The following SPARCL1 variants were observed in gnomAD, a reference collection of about 807,000 sequenced individuals.
SPARCL1 encodes the protein SPARC-like protein 1.
A neutral mutation model predicts 67.1 loss-of-function variants in SPARCL1; 52 were observed. That is an observed-to-expected ratio of 0.78 (90% CI 0.62 to 0.98). SPARCL1 has a LOEUF of 0.98. Among genes scored for constraint, SPARCL1 ranks in the 50% least tolerant of loss-of-function variants. The pLI, the probability that SPARCL1 is intolerant of heterozygous loss-of-function variation, is 0.00. For missense variants in SPARCL1, 717 were observed against 782.4 expected, an observed-to-expected ratio of 0.92 and a Z score of 1.00; for synonymous variants, 226 against 267.8, an observed-to-expected ratio of 0.84 and a Z score of 1.52.
chr4:87,490,109 G>A (rs1724251949), intron 7 of SPARCL1, among the ~76,000 whole-genome samples, 164 bp downstream of exon 7: 1 of 152,166 alleles, frequency 6.6e-6, no homozygotes, highest in African/African-American at 2.4e-5. Flanking sequence ...ATCTCCTACG[G>A]TTAAGGCCTG....
Position 87,495,146 on chromosome 4 carries a change from G to T in SPARCL1, c.55-19C>A, listed in dbSNP as rs1328420564. 1.9e-6 allele frequency: 3 copies of T among 1,594,786 alleles called. No homozygotes were observed. Among genetic ancestry groups the T allele is most frequent in the African/African-American group, 1.4e-5 (1 of 73,518 alleles). ...CATTTGTCTGAAAAAATTAAAAACT[G>T]GTTTTTGTTATTCATGTCTGGATGC... On this transcript the variant is annotated intron_variant, in intron 2 of 10. Transcript: ENST00000282470.
At chr4:87,519,631 T>A (rs1725723981) in intron 1 of SPARCL1, among the ~76,000 whole-genome samples, 1 of 152,088 alleles carries the variant, frequency 6.6e-6, no homozygotes, top group South Asian at 2.1e-4. Flanking sequence ...AATTTGCAAA[T>A]TTTTTTCCCT....
At chr4:87,492,697 A>G (rs1724399433) in intron 4 of SPARCL1, among the ~76,000 whole-genome samples, 1 of 152,198 alleles carries the variant, frequency 6.6e-6, no homozygotes, top group Admixed American at 6.5e-5. Context: ...GGTATAAGAA[A>G]ACTCCTACGT....
intron 1 of SPARCL1, among the ~76,000 whole-genome samples, chr4:87,508,782 ATG>A (rs71667857): frequency 0.016 from 2,308 of 139,990 alleles, 31 homozygotes; most frequent in African/African-American, 0.033. Context: ...GATGAAACAT[ATG>A]TGTGTGTGTG....
chr4:87,496,085 C>T (rs898251101), intron 2 of SPARCL1, among the ~76,000 whole-genome samples: 5 of 152,110 alleles, frequency 3.3e-5, no homozygotes, highest in Non-Finnish European at 2.9e-5. Context: ...GGCAGTGATG[C>T]ATGATGGGGA....
In SPARCL1 at chr4:87,512,588, G is replaced by A. The variant is rs183845365; in HGVS notation, c.-11-13003C>T. On this transcript the variant is annotated intron_variant, in intron 1 of 10. Transcript: ENST00000282470. The stretch of plus-strand genomic sequence containing the variant: ...GAGACCATGTGGCTGGAACCTTGCA[G>A]GATAACAGACCCTCCTGGATGATTC... Among the ~76,000 whole-genome samples the A allele has an allele frequency of 8.5e-5, 13 of 152,210 alleles. 1 individual carries two copies. The highest frequency in any genetic ancestry group is 7.2e-4 in the Admixed American group (11 of 15,286).
intron 1 of SPARCL1, among the ~76,000 whole-genome samples, chr4:87,510,648 A>AC (rs1177952111): frequency 6.6e-6 from 1 of 152,136 alleles, no homozygotes; most frequent in African/African-American, 2.4e-5. Flanking sequence ...CTGAAAAAAA[A>AC]AATTCTCCAC....
intron 1 of SPARCL1, among the ~76,000 whole-genome samples, chr4:87,517,673 T>A (rs1221459388): frequency 2.0e-5 from 3 of 152,214 alleles, no homozygotes; most frequent in Middle Eastern, 3.2e-3. Context: ...CAGTATAATA[T>A]AAAACTCCTT....
intron 1 of SPARCL1, among the ~76,000 whole-genome samples, chr4:87,509,984 C>T (rs1725278759): frequency 6.6e-6 from 1 of 152,146 alleles, no homozygotes; most frequent in Non-Finnish European, 1.5e-5. Context: ...AGGGATAGAT[C>T]CAACCTGTAC....
intron 6 of SPARCL1, 140 bp downstream of exon 6, chr4:87,490,620 C>G: frequency 1.3e-6 from 1 of 758,616 alleles, no homozygotes; most frequent in Non-Finnish European, 2.2e-6. Context: ...ATGAAAACTG[C>G]AGATGTTCCA....
chr4:87,492,669 T>G (rs1724398474), intron 4 of SPARCL1, among the ~76,000 whole-genome samples: 1 of 152,178 alleles, frequency 6.6e-6, no homozygotes, highest in Non-Finnish European at 1.5e-5. Context: ...TGGTAAAGCT[T>G]TCATACCAGG....
chr4:87,516,192 C>T (rs879524580), intron 1 of SPARCL1, among the ~76,000 whole-genome samples: 10 of 152,154 alleles, frequency 6.6e-5, no homozygotes, highest in Admixed American at 2.6e-4. Flanking sequence ...CTTGCAAATG[C>T]GCAGGACACG....
At chr4:87,525,488 G>A (rs1187422406) in intron 1 of SPARCL1, among the ~76,000 whole-genome samples, 4 of 152,164 alleles carry the variant, frequency 2.6e-5, no homozygotes, top group Non-Finnish European at 4.4e-5. Context: ...AAGATGGGAG[G>A]AAGCAGTGGG....
rs56194337 is a variant in SPARCL1 at position 87,503,789 on chromosome 4, A to C, written c.-11-4204T>G. On this transcript the variant is annotated intron_variant, in intron 1 of 10. Coordinates refer to ENST00000282470, the MANE Select transcript of SPARCL1 (RefSeq NM_004684.6). ...TGCCTCCTAGGCTCAAGTGATTCTC[A>C]TGCCTCAGCCTCCCAAGTAGCTGGA... Among the ~76,000 whole-genome samples the C allele has an allele frequency of 5.8e-3, 864 of 149,392 alleles. 13 individuals carry two copies. Among genetic ancestry groups the C allele is most frequent in the African/African-American group, 0.02 (810 of 40,492 alleles).
At chr4:87,518,033 A>T (rs976891313) in intron 1 of SPARCL1, among the ~76,000 whole-genome samples, 2 of 152,222 alleles carry the variant, frequency 1.3e-5, no homozygotes, top group Non-Finnish European at 2.9e-5. Context: ...GGGCCAACAC[A>T]TTTAATATGG....
chr4:87,527,520 G>A (rs1726098208), intron 1 of SPARCL1, among the ~76,000 whole-genome samples: 1 of 152,066 alleles, frequency 6.6e-6, no homozygotes, highest in Non-Finnish European at 1.5e-5. Context: ...AATAAATAAT[G>A]TTTTCAAGTT....
intron 2 of SPARCL1, among the ~76,000 whole-genome samples, chr4:87,495,790 G>A (rs540716947): frequency 1.3e-5 from 2 of 152,242 alleles, no homozygotes; most frequent in African/African-American, 4.8e-5. Flanking sequence ...AATTAGCTGG[G>A]TGTGGTGGTG....
intron 2 of SPARCL1, among the ~76,000 whole-genome samples, chr4:87,498,869 C>T (rs1724728400): frequency 8.0e-6 from 1 of 125,554 alleles, no homozygotes; most frequent in East Asian, 2.3e-4. Flanking sequence ...CGTGGATATG[C>T]ACCCTAAGTA....
chr4:87,523,201 C>T (rs1441619738), intron 1 of SPARCL1, among the ~76,000 whole-genome samples: 1 of 149,922 alleles, frequency 6.7e-6, no homozygotes, highest in South Asian at 2.1e-4. Context: ...GTAGAGGTTG[C>T]AGGGACCCAA....
Sources: allele counts gnomAD v4.1 joint callset (sites outside exome capture counted in the v4.1 genomes callset), GRCh38; gene constraint gnomAD v4.1.1; transcripts MANE v1.5; gene names NCBI Gene and HGNC (gene_info 2026-07-23, HGNC 2026-07-21).